Variants in CDH20 observed in about 807,000 individuals in gnomAD.
CDH20 encodes the protein cadherin-20.
In CDH20, 29 loss-of-function variants were observed where a neutral mutation model predicts 74.2. That is an observed-to-expected ratio of 0.39 (90% CI 0.29 to 0.53). The LOEUF (loss-of-function observed/expected upper bound fraction) is 0.53. CDH20 is among the 20% of genes least tolerant of loss of function. The pLI, the probability that CDH20 is intolerant of heterozygous loss-of-function variation, is 0.69. For missense variants in CDH20, 988 were observed against 1,048.3 expected (o/e 0.94, Z 0.79); for synonymous variants, 469 against 405.4 (o/e 1.16, Z -1.88).
In CDH20 at chr18:61,554,961, G is replaced by C; in HGVS notation, c.*266G>C. The C allele has an allele frequency of 7.6e-7, 1 of 1,318,318 alleles. No individual in the cohort carries two copies. The highest frequency in any genetic ancestry group is 9.7e-7 in the Non-Finnish European group (1 of 1,033,460). 81.7% of individuals were successfully genotyped at this position (1,318,318 alleles called of 1,614,324 possible). Reference sequence around the variant, plus strand: ...TTCTGACACTGTGTGCGAAGGCTTGGAGTCCAAGGTGTTCTGACAAGGGTG... The same window carrying C: ...TTCTGACACTGTGTGCGAAGGCTTGCAGTCCAAGGTGTTCTGACAAGGGTG... On this transcript the variant is annotated 3_prime_UTR_variant, in exon 12 of 12. Coordinates refer to ENST00000262717, the MANE Select transcript of CDH20 (RefSeq NM_031891.4).
At position 61,474,510 on chromosome 18, in the gene CDH20, C is replaced by T. The variant is rs145542959; in HGVS notation, c.-152-15892C>T. 2.6e-3 allele frequency among the ~76,000 whole-genome samples: 394 copies of T among 152,220 alleles called. 2 individuals are homozygous for T. The highest frequency in any genetic ancestry group is 8.9e-3 in the African/African-American group (371 of 41,536). The stretch of plus-strand genomic sequence containing the variant: ...TTGTGTAGCTCTCAGAAACTGACAA[C>T]TTCTGGAGAGGATCCCAGTCCCACC... On this transcript the variant is annotated intron_variant, in intron 1 of 11. Transcript: ENST00000262717.
chr18:61,385,978 G>T (rs1911584914), intron 1 of CDH20, among the ~76,000 whole-genome samples: 1 of 151,106 alleles, frequency 6.6e-6, no homozygotes, highest in Non-Finnish European at 1.5e-5. Flanking sequence ...AATGCAAGTG[G>T]ATTAACATGT....
At chr18:61,355,302 A>T (rs1910463125) in intron 1 of CDH20, among the ~76,000 whole-genome samples, 2 of 152,202 alleles carry the variant, frequency 1.3e-5, no homozygotes, top group South Asian at 4.1e-4. Flanking sequence ...TAGGAAATAA[A>T]ATTATTTATA....
intron 1 of CDH20, among the ~76,000 whole-genome samples, chr18:61,367,333 G>T (rs1412438547): frequency 9.2e-5 from 14 of 152,184 alleles, no homozygotes; most frequent in Non-Finnish European, 1.9e-4. Flanking sequence ...AAGGAAGTCA[G>T]ATTTCATACT....
chr18:61,545,385 G>C (rs1242214719), intron 10 of CDH20, among the ~76,000 whole-genome samples: 1 of 151,136 alleles, frequency 6.6e-6, no homozygotes. Context: ...TAGTATTACA[G>C]ACATGAGCCA....
chr18:61,475,946 T>A (rs912514176), intron 1 of CDH20, among the ~76,000 whole-genome samples: 8 of 152,190 alleles, frequency 5.3e-5, no homozygotes, highest in Non-Finnish European at 8.8e-5. Flanking sequence ...AGAACTTGCC[T>A]TTTCATCCTT....
intron 1 of CDH20, among the ~76,000 whole-genome samples, chr18:61,477,822 G>T (rs1910445514): frequency 6.6e-6 from 1 of 152,162 alleles, no homozygotes; most frequent in Non-Finnish European, 1.5e-5. Flanking sequence ...ACATTGGTTA[G>T]CTTAGTTCTT....
At position 61,539,142 on chromosome 18, in the gene CDH20, A is replaced by G; in HGVS notation, c.1527A>G (p.Gly509=). The change falls in exon 9 of 12, where the codon GGA becomes GGG. Residue 509 remains glycine, a synonymous_variant. Transcript: ENST00000262717. ...EAFVCENAKA[G]QLIQTVSAVD... ...TTGTCTGTGAGAACGCCAAGGCAGG[A>G]CAGGTAAGGTGGCCTGTGGGTGGTG... The G allele has an allele frequency of 6.2e-7, 1 of 1,614,084 alleles. No homozygotes were observed. Among genetic ancestry groups the G allele is most frequent in the Non-Finnish European group, 8.5e-7 (1 of 1,180,006 alleles).
chr18:61,355,931 G>A (rs1337835340), intron 1 of CDH20, among the ~76,000 whole-genome samples: 1 of 152,132 alleles, frequency 6.6e-6, no homozygotes, highest in Admixed American at 6.5e-5. Context: ...AGAGGAGAGG[G>A]ACCAACTTTG....
At chr18:61,528,450 C>CACAT (rs569065551) in intron 7 of CDH20, among the ~76,000 whole-genome samples, 5,107 of 145,034 alleles carry the variant, frequency 0.035, 100 homozygotes, top group Non-Finnish European at 0.037. Flanking sequence ...GGTTGAGACA[C>CACAT]ACACACACAC....
chr18:61,356,890 A>C (rs1910514530), intron 1 of CDH20, among the ~76,000 whole-genome samples: 2 of 152,234 alleles, frequency 1.3e-5, no homozygotes, highest in African/African-American at 4.8e-5. Context: ...CTAAAAGGAG[A>C]TACCCAAGTA....
At chr18:61,461,344 A>C (rs1195614364) in intron 1 of CDH20, among the ~76,000 whole-genome samples, 1 of 150,638 alleles carries the variant, frequency 6.6e-6, no homozygotes, top group Non-Finnish European at 1.5e-5. Context: ...AAAAAAAAAA[A>C]AAAACCAGAA....
chr18:61,529,873 T>C (rs529176059), intron 7 of CDH20, among the ~76,000 whole-genome samples: 15 of 152,242 alleles, frequency 9.9e-5, no homozygotes, highest in Admixed American at 2.6e-4. Context: ...AAACTATCAG[T>C]TGGCCAGCAC....
intron 1 of CDH20, among the ~76,000 whole-genome samples, chr18:61,484,444 A>G (rs993083938): frequency 6.6e-6 from 1 of 152,178 alleles, no homozygotes. Context: ...ATCAGTAACA[A>G]TCTATTCGCC....
chr18:61,375,817 C>T (rs547463770), intron 1 of CDH20, among the ~76,000 whole-genome samples: 2 of 152,188 alleles, frequency 1.3e-5, no homozygotes, highest in Non-Finnish European at 2.9e-5. Context: ...CCAGAACAAC[C>T]ATTTCACTAC....
chr18:61,540,979 A>G (rs1233926710), intron 9 of CDH20, among the ~76,000 whole-genome samples: 1 of 152,220 alleles, frequency 6.6e-6, no homozygotes, highest in Non-Finnish European at 1.5e-5. Context: ...ATTCTTTTCA[A>G]CAAGTCTAGG....
chr18:61,350,114 T>C (rs1403389024), intron 1 of CDH20, among the ~76,000 whole-genome samples: 1 of 151,984 alleles, frequency 6.6e-6, no homozygotes, highest in Non-Finnish European at 1.5e-5. Flanking sequence ...TATATTATCC[T>C]CCCACTAGGT....
In CDH20 at chr18:61,499,432, T is replaced by A; in HGVS notation, c.493T>A (p.Phe165Ile). The A allele has an allele frequency of 1.2e-6, 2 of 1,613,712 alleles. No individual in the cohort carries two copies. Among genetic ancestry groups the A allele is most frequent in the Non-Finnish European group, 1.7e-6 (2 of 1,179,846 alleles). ...IQDINDNEPK[F>I]LDGPYVATVP... The stretch of plus-strand genomic sequence containing the variant: ...AGACATCAATGACAATGAGCCCAAG[T>A]TCCTGGACGGACCTTATGTGGCCAC... Residue 165 changes from phenylalanine to isoleucine, a missense_variant, in exon 3 of 12, where the codon TTC becomes ATC. Transcript: ENST00000262717.
At chr18:61,364,744 G>A (rs1910806283) in intron 1 of CDH20, among the ~76,000 whole-genome samples, 1 of 152,214 alleles carries the variant, frequency 6.6e-6, no homozygotes, top group African/African-American at 2.4e-5. Flanking sequence ...ATGAATGGAA[G>A]CAGCCTGAGG....
Sources: allele counts gnomAD v4.1 joint callset (sites outside exome capture counted in the v4.1 genomes callset), GRCh38; gene constraint gnomAD v4.1.1; transcripts MANE v1.5; gene names NCBI Gene and HGNC (gene_info 2026-07-23, HGNC 2026-07-21).